The following CCDC13 variants were observed in gnomAD, a reference collection of about 807,000 sequenced individuals.
CCDC13 encodes the protein coiled-coil domain-containing protein 13.
A neutral mutation model predicts 87.3 loss-of-function variants in CCDC13; 70 were observed. That is an observed-to-expected ratio of 0.80 (90% CI 0.66 to 0.98). CCDC13 has a LOEUF of 0.98. Among genes scored for constraint, CCDC13 ranks in the 50% least tolerant of loss-of-function variants. The pLI, the probability that CCDC13 is intolerant of heterozygous loss-of-function variation, is 0.00. For synonymous variants in CCDC13, 317 were observed against 360.3 expected (o/e 0.88, Z 1.36); for missense variants, 842 against 892.0 (o/e 0.94, Z 0.71).
intron 8 of CCDC13, among the ~76,000 whole-genome samples, chr3:42,741,460 C>G (rs339685): frequency 0.81 from 123,367 of 152,178 alleles, 50,539 homozygotes; most frequent in East Asian, 1. Flanking sequence ...GTCGTGGGCT[C>G]GGCGAATGGC....
In CCDC13 at chr3:42,706,374, T is replaced by G. The variant is rs1429527924; in HGVS notation, c.*2606A>C. The G allele has an allele frequency of 6.6e-6, 1 of 152,228 alleles. No individual in the cohort carries two copies. Among genetic ancestry groups the G allele is most frequent in the Non-Finnish European group, 1.5e-5 (1 of 68,056 alleles). The allele number at this position is 152,228 out of a possible 1,614,324, so 9.4% of individuals were successfully genotyped here. ...TAAGAGCGAATAATTATTAAGCGCT[T>G]ACTGTGTGCGAGCAGCTGCTGTAAG... On this transcript the variant is annotated 3_prime_UTR_variant, in exon 16 of 16. Transcript: ENST00000310232.
intron 10 of CCDC13, 74 bp from the exon 11 acceptor site, chr3:42,733,683 G>A (rs1241415411): frequency 9.9e-6 from 15 of 1,510,070 alleles, no homozygotes; most frequent in Admixed American, 9.5e-5. Context: ...GGGGATCTTG[G>A]CTTGATTTCG....
Position 42,708,545 on chromosome 3 carries a change from G to T in CCDC13, c.*435C>A. 6.3e-6 allele frequency: 1 copy of T among 158,962 alleles called. No individual in the cohort carries two copies. Among genetic ancestry groups the T allele is most frequent in the Non-Finnish European group, 1.4e-5 (1 of 72,874 alleles). 9.8% of individuals were successfully genotyped at this position (158,962 alleles called of 1,614,324 possible). The stretch of plus-strand genomic sequence containing the variant: ...GAGCCGGGATGGGGGTGAGGGGATA[G>T]GGCAGGGCTGAGTGGCATGGGGGAT... On this transcript the variant is annotated 3_prime_UTR_variant, in exon 16 of 16. Transcript: ENST00000310232.
At chr3:42,749,088 G>A (rs1699499441) in intron 5 of CCDC13, among the ~76,000 whole-genome samples, 1 of 152,050 alleles carries the variant, frequency 6.6e-6, no homozygotes, top group South Asian at 2.1e-4. Context: ...ATTTTCTTCT[G>A]TGTTCTTCCT....
chr3:42,762,875 G>A (rs1372247486), intron 1 of CCDC13, among the ~76,000 whole-genome samples: 1 of 152,178 alleles, frequency 6.6e-6, no homozygotes, highest in African/African-American at 2.4e-5. Context: ...CTTGAGCCCA[G>A]GAGGTTGAGA....
intron 13 of CCDC13, among the ~76,000 whole-genome samples, chr3:42,728,868 T>C (rs1698753033): frequency 6.6e-6 from 1 of 152,180 alleles, no homozygotes; most frequent in African/African-American, 2.4e-5. Context: ...GAGAGTTGCA[T>C]GTATGTGACT....
chr3:42,767,169 T>TA (rs35489139), intron 1 of CCDC13, among the ~76,000 whole-genome samples: 26,279 of 146,702 alleles, frequency 0.18, 2,421 homozygotes, highest in South Asian at 0.27. Context: ...AAGAATCTAT[T>TA]AAAAAAAAAA....
intron 6 of CCDC13, 39 bp downstream of exon 6, chr3:42,747,218 C>T: frequency 2.0e-6 from 3 of 1,505,420 alleles, no homozygotes; most frequent in Non-Finnish European, 2.8e-6. Flanking sequence ...AGTCCAGCCC[C>T]AGCCACACAA....
Position 42,707,383 on chromosome 3 carries a change from G to A in CCDC13, c.*1597C>T, listed in dbSNP as rs1014948305. Among the ~76,000 whole-genome samples, 6 of 152,140 alleles carry A rather than the reference G, an allele frequency of 3.9e-5. No individual in the cohort carries two copies. The highest frequency in any genetic ancestry group is 1.4e-4 in the African/African-American group (6 of 41,428). On this transcript the variant is annotated 3_prime_UTR_variant, in exon 16 of 16. Transcript: ENST00000310232. Reference sequence around the variant, plus strand: ...CCCACCAGAATCATCAGTTCATCCCGGTGGCCTTTGCTCTAACTTGCTGTG... The same window carrying A: ...CCCACCAGAATCATCAGTTCATCCCAGTGGCCTTTGCTCTAACTTGCTGTG...
chr3:42,767,419 A>T (rs980781091), intron 1 of CCDC13, among the ~76,000 whole-genome samples: 3 of 152,252 alleles, frequency 2.0e-5, no homozygotes, highest in African/African-American at 4.8e-5. Context: ...ACTATAAACT[A>T]TAAAACTCTG....
chr3:42,735,777 T>C lies in CCDC13; in HGVS notation c.1301A>G (p.Gln434Arg). The C allele has an allele frequency of 6.2e-7, 1 of 1,614,230 alleles. No individual in the cohort carries two copies. Among genetic ancestry groups the C allele is most frequent in the Non-Finnish European group, 8.5e-7 (1 of 1,180,034 alleles). The change falls in exon 10 of 16, where the codon CAG (glutamine) becomes CGG (arginine). Residue 434 changes from glutamine (Q) to arginine (R), a missense_variant. Gln to Arg is a conservative substitution (Grantham distance 43). Coordinates refer to ENST00000310232, the MANE Select transcript of CCDC13 (RefSeq NM_144719.4). ...GGCCTCCCGCTCAGCTACCATGGCC[T>C]GCAGCTGGGCGACTAGGCTGTTGCT... ...QRSNSLVAQL[Q>R]AMVAEREAKV...
chr3:42,738,248 C>G (rs1366990204), intron 9 of CCDC13, among the ~76,000 whole-genome samples: 1 of 152,188 alleles, frequency 6.6e-6, no homozygotes, highest in African/African-American at 2.4e-5. Flanking sequence ...TCTGAGGCCT[C>G]TGTTCTGTTC....
At chr3:42,735,945 C>G (rs767052667) in intron 9 of CCDC13, 32 bp from the exon 10 acceptor site, 4 of 1,593,694 alleles carry the variant, frequency 2.5e-6, no homozygotes, top group Non-Finnish European at 2.6e-6. Context: ...CAGGTGGAGT[C>G]AGTCATGGCC....
In CCDC13 at chr3:42,708,380, GC is replaced by G. The variant is rs1698225271; in HGVS notation, c.*599del. 6.6e-6 allele frequency: 1 copy of G among 152,224 alleles called. No homozygotes were observed. Among genetic ancestry groups the G allele is most frequent in the Admixed American group, 6.5e-5 (1 of 15,284 alleles). The allele number at this position is 152,224 out of a possible 1,614,324, so 9.4% of individuals were successfully genotyped here. A position where few individuals can be genotyped will look rare whatever the true frequency, so the allele number is the denominator to read the frequency against. ...CACAGTAGATGCTCACTCACTGGGA[GC>G]TGCAGTGATTATGAAAATACTTATT... On this transcript the variant is annotated 3_prime_UTR_variant, in exon 16 of 16. Transcript: ENST00000310232.
chr3:42,769,943 C>G (rs937561582), intron 1 of CCDC13, among the ~76,000 whole-genome samples: 5 of 152,262 alleles, frequency 3.3e-5, no homozygotes, highest in Admixed American at 6.5e-5. Flanking sequence ...CATGCCTGAG[C>G]CTCCCCCTGC....
chr3:42,753,414 A>G (rs1699632860), intron 3 of CCDC13, among the ~76,000 whole-genome samples: 1 of 152,240 alleles, frequency 6.6e-6, no homozygotes. Flanking sequence ...ACGCCTACCC[A>G]ATAGAAAGGC....
At chr3:42,771,315 T>G (rs1487938192) in intron 1 of CCDC13, among the ~76,000 whole-genome samples, 8 of 152,164 alleles carry the variant, frequency 5.3e-5, no homozygotes, top group Non-Finnish European at 1.0e-4. Context: ...ATGAAAAATA[T>G]CAGTGGTTTC....
intron 11 of CCDC13, 93 bp from the exon 12 acceptor site, chr3:42,733,063 C>T: frequency 2.0e-6 from 2 of 1,008,990 alleles, no homozygotes; most frequent in South Asian, 1.6e-5. Flanking sequence ...CAGTGGCCAG[C>T]AGGGGTCCAG....
chr3:42,725,115 C>T (rs1439078992), intron 13 of CCDC13, among the ~76,000 whole-genome samples: 1 of 152,046 alleles, frequency 6.6e-6, no homozygotes, highest in Non-Finnish European at 1.5e-5. Context: ...CAGATAAAAA[C>T]AAGGAGATAT....
Sources: allele counts gnomAD v4.1 joint callset (sites outside exome capture counted in the v4.1 genomes callset), GRCh38; gene constraint gnomAD v4.1.1; transcripts MANE v1.5; gene names NCBI Gene and HGNC (gene_info 2026-07-23, HGNC 2026-07-21).